The following PSD3 variants were observed in gnomAD, a reference collection of about 807,000 sequenced individuals.
PSD3 encodes pleckstrin and Sec7 domain containing 3.
Under a neutral mutation model 105.5 loss-of-function variants are expected in PSD3, and 49 were observed. The ratio of observed to expected loss-of-function variants is 0.46; its 90% CI spans 0.37 to 0.59. The LOEUF (loss-of-function observed/expected upper bound fraction) is 0.59. Among genes scored for constraint, PSD3 ranks in the 20% least tolerant of loss-of-function variants. PSD3 has a pLI of 0.00. For missense variants in PSD3, 1,561 were observed against 1,263.8 expected (o/e 1.24, Z -3.57); for synonymous variants, 557 against 457.8 (o/e 1.22, Z -2.77).
chr8:18,858,929 C>A (rs376035200), intron 4 of PSD3, among the ~76,000 whole-genome samples: 1 of 152,146 alleles, frequency 6.6e-6, no homozygotes, highest in African/African-American at 2.4e-5. Flanking sequence ...CCTCCTCCCA[C>A]AAATCATAAA....
intron 4 of PSD3, among the ~76,000 whole-genome samples, chr8:18,834,217 G>C (rs757634452): frequency 9.2e-5 from 14 of 152,068 alleles, no homozygotes; most frequent in Non-Finnish European, 2.1e-4. Flanking sequence ...CATAAAGAAG[G>C]TATTTCTAAC....
In PSD3 at chr8:18,979,129, A is replaced by G. The variant is rs1275421338; in HGVS notation, c.21+34434T>C. Among the ~76,000 whole-genome samples the G allele has an allele frequency of 2.6e-5, 4 of 152,150 alleles. No individual in the cohort carries two copies. The East Asian group carries it at 7.7e-4, about 29-fold the overall frequency. On this transcript the variant is annotated intron_variant, in intron 1 of 15. Coordinates refer to ENST00000327040, the MANE Select transcript of PSD3 (RefSeq NM_015310.4). Reference sequence around the variant, plus strand: ...TGCTTTAAAATTCTGTGATTTCACAATAACTGAATACAGTCACTAAACGGG... The same window carrying G: ...TGCTTTAAAATTCTGTGATTTCACAGTAACTGAATACAGTCACTAAACGGG...
intron 10 of PSD3, 118 bp from the exon 11 acceptor site, chr8:18,632,924 C>A: frequency 1.3e-6 from 1 of 762,100 alleles, no homozygotes; most frequent in East Asian, 2.7e-5. Flanking sequence ...TTTATAACCA[C>A]CACCATGATA....
chr8:18,844,574 C>T (rs1168360883), intron 4 of PSD3, among the ~76,000 whole-genome samples: 2 of 152,066 alleles, frequency 1.3e-5, no homozygotes, highest in African/African-American at 4.8e-5. Context: ...ATCACTTCTA[C>T]TGAAAACACA....
chr8:18,718,301 T>C (rs1001180853), intron 9 of PSD3, among the ~76,000 whole-genome samples: 1 of 152,254 alleles, frequency 6.6e-6, no homozygotes, highest in African/African-American at 2.4e-5. Context: ...TATTTTCCCA[T>C]GTTATCCATT....
intron 11 of PSD3, among the ~76,000 whole-genome samples, chr8:18,624,623 A>G (rs1183264278): frequency 2.0e-5 from 3 of 150,556 alleles, no homozygotes; most frequent in African/African-American, 4.9e-5. Flanking sequence ...CCAGCATGGC[A>G]CATGTATACA....
intron 9 of PSD3, among the ~76,000 whole-genome samples, chr8:18,724,748 T>A (rs1231283022): frequency 6.6e-6 from 1 of 152,040 alleles, no homozygotes. Flanking sequence ...TAACAAATGA[T>A]TCAAGAACAA....
At chr8:19,029,213 A>T (rs753307334) in intron 1 of PSD3, among the ~76,000 whole-genome samples, 2 of 152,224 alleles carry the variant, frequency 1.3e-5, no homozygotes, top group Non-Finnish European at 2.9e-5. Context: ...TATGATGTCA[A>T]TTGGGATGGC....
chr8:18,703,737 T>C (rs1801725561), intron 9 of PSD3, among the ~76,000 whole-genome samples: 1 of 152,202 alleles, frequency 6.6e-6, no homozygotes, highest in African/African-American at 2.4e-5. Flanking sequence ...ATAAGTAAAA[T>C]AACATGAATA....
chr8:18,855,523 T>C (rs1815938159), intron 4 of PSD3, among the ~76,000 whole-genome samples: 1 of 152,096 alleles, frequency 6.6e-6, no homozygotes, highest in South Asian at 2.1e-4. Flanking sequence ...GAATTTCAAA[T>C]ACTGAGGAAA....
intron 4 of PSD3, among the ~76,000 whole-genome samples, chr8:18,864,365 T>C (rs551753586): frequency 6.6e-6 from 1 of 152,318 alleles, no homozygotes; most frequent in East Asian, 1.9e-4. Context: ...CTTCCCCCTA[T>C]AGCTCATTAT....
chr8:18,550,895 G>A (rs1340712772), intron 15 of PSD3, among the ~76,000 whole-genome samples: 1 of 152,170 alleles, frequency 6.6e-6, no homozygotes, highest in African/African-American at 2.4e-5. Context: ...TTCTGTAAAG[G>A]AGATAGCATT....
chr8:18,686,024 A>G (rs577060760), intron 9 of PSD3, among the ~76,000 whole-genome samples: 1 of 152,166 alleles, frequency 6.6e-6, no homozygotes. Context: ...GTTAGATTAA[A>G]AAACAAACAA....
At chr8:18,699,065 T>A (rs1245142072) in intron 9 of PSD3, among the ~76,000 whole-genome samples, 1 of 152,172 alleles carries the variant, frequency 6.6e-6, no homozygotes, top group Non-Finnish European at 1.5e-5. Flanking sequence ...TCCACCTAAA[T>A]CCCTTCTTCC....
chr8:18,913,378 C>G (rs1468628408), intron 2 of PSD3, among the ~76,000 whole-genome samples: 1 of 151,870 alleles, frequency 6.6e-6, no homozygotes, highest in African/African-American at 2.4e-5. Context: ...CTTCAGATTT[C>G]CTGTCATTTT....
intron 2 of PSD3, among the ~76,000 whole-genome samples, chr8:18,934,636 T>G (rs1821988497): frequency 6.6e-6 from 1 of 152,158 alleles, no homozygotes; most frequent in Non-Finnish European, 1.5e-5. Flanking sequence ...TCAACTTATT[T>G]CATTCTCAAA....
At chr8:18,833,375 C>T (rs556361036) in intron 4 of PSD3, among the ~76,000 whole-genome samples, 2 of 152,250 alleles carry the variant, frequency 1.3e-5, no homozygotes, top group Non-Finnish European at 2.9e-5. Context: ...AACACTTTTC[C>T]CTTTGCTTGA....
rs201058269 is a variant in PSD3, at chr8:18,801,284, G to A, written c.2009C>T (p.Thr670Ile). ...SNRYFYCNPD[T>I]IASQDGVHCL... is the part of the protein sequence containing the mutation. ...TATCAGATTACCTTGTGAAGCAATG[G>A]TATCTGGGTTACAATAAAAATATCT... The change falls in exon 7 of 16, where the codon ACC becomes ATC. Residue 670 changes from threonine to isoleucine, a missense_variant. Transcript: ENST00000327040. The A allele has an allele frequency of 5.4e-5, 85 of 1,578,604 alleles. No homozygotes were observed. The African/African-American group carries it at 9.9e-4, about 18-fold the overall frequency.
At chr8:18,706,068 G>A (rs1287904838) in intron 9 of PSD3, among the ~76,000 whole-genome samples, 5 of 152,072 alleles carry the variant, frequency 3.3e-5, no homozygotes, top group African/African-American at 1.2e-4. Flanking sequence ...CACTGTATAG[G>A]TTGGCTCAGC....
Sources: gnomAD v4.1 joint callset for allele counts (sites outside exome capture counted in the v4.1 genomes callset) on GRCh38, gnomAD v4.1.1 for gene constraint, MANE v1.5 for transcripts, NCBI Gene and HGNC (gene_info 2026-07-23, HGNC 2026-07-21) for gene names.